EFCAB6: variants seen among roughly 807,000 people sequenced by gnomAD.
EFCAB6 encodes the protein EF-hand calcium-binding domain-containing protein 6.
In EFCAB6, 156 loss-of-function variants were observed where a neutral mutation model predicts 169.8. That is an observed-to-expected ratio of 0.92 (90% CI 0.81 to 1.05). The LOEUF (loss-of-function observed/expected upper bound fraction) is 1.05. Among genes scored for constraint, EFCAB6 ranks in the 50% least tolerant of loss-of-function variants. EFCAB6 has a pLI of 0.00. For missense variants in EFCAB6, 1,800 were observed against 1,829.1 expected (o/e 0.98, Z 0.29); for synonymous variants, 698 against 676.4 (o/e 1.03, Z -0.50).
At chr22:43,623,104 G>T (rs538740913) in intron 20 of EFCAB6, among the ~76,000 whole-genome samples, 2 of 152,182 alleles carry the variant, frequency 1.3e-5, no homozygotes, top group Non-Finnish European at 2.9e-5. Flanking sequence ...GACACTGATC[G>T]TATCAGCTGA....
At chr22:43,606,734 T>C (rs1361871977) in intron 22 of EFCAB6, among the ~76,000 whole-genome samples, 1 of 152,234 alleles carries the variant, frequency 6.6e-6, no homozygotes, top group East Asian at 1.9e-4. Flanking sequence ...CTGCAAGCAG[T>C]TGTCAACACA....
rs761410856 is a variant in EFCAB6 at position 43,537,532 on chromosome 22, G to T, written c.3893C>A (p.Thr1298Asn). 2 of 1,613,912 alleles carry T rather than the reference G, an allele frequency of 1.2e-6. No individual in the cohort carries two copies. The highest frequency in any genetic ancestry group is 1.7e-6 in the Non-Finnish European group (2 of 1,179,868). ...SQSHPCTPASTTVIPGTPPLQ... is the reference protein window; with the variant it reads ...SQSHPCTPASNTVIPGTPPLQ... ...GGGTGGAGTGCCCGGGATCACGGTGGTGCTCGCTGGAGTCTAGCAGGGAAG... is the reference window on the plus strand; with the variant it reads ...GGGTGGAGTGCCCGGGATCACGGTGTTGCTCGCTGGAGTCTAGCAGGGAAG... Residue 1298 changes from threonine to asparagine, a missense_variant, in exon 29 of 32, where the codon ACC becomes AAC. Transcript: ENST00000262726. This position sits in a 1 kb window ranked among gnomAD's most constrained non-coding sequence, Gnocchi z 4.3.
intron 3 of EFCAB6, among the ~76,000 whole-genome samples, chr22:43,781,587 C>T (rs1047995707): frequency 2.6e-5 from 4 of 152,166 alleles, no homozygotes; most frequent in South Asian, 4.1e-4. Flanking sequence ...CCTCGACCTC[C>T]GGAAGTGCTT....
intron 22 of EFCAB6, among the ~76,000 whole-genome samples, chr22:43,606,540 A>G (rs1224594941): frequency 6.6e-6 from 1 of 152,214 alleles, no homozygotes; most frequent in African/African-American, 2.4e-5. Context: ...GACAGGGAAC[A>G]TCATCTACTG....
At chr22:43,675,789 TTATAA>T (rs147990294) in intron 13 of EFCAB6, among the ~76,000 whole-genome samples, 3,418 of 149,022 alleles carry the variant, frequency 0.023, 131 homozygotes, top group African/African-American at 0.08. Flanking sequence ...TAATTATATA[TTATAA>T]TATAATATAA....
chr22:43,647,610 T>TG (rs2056243198), intron 17 of EFCAB6, among the ~76,000 whole-genome samples: 1 of 152,326 alleles, frequency 6.6e-6, no homozygotes, highest in African/African-American at 2.4e-5. Flanking sequence ...TTAATGGAGC[T>TG]GGGGTCTTTT....
chr22:43,576,198 G>A (rs1422227736), intron 26 of EFCAB6, 99 bp downstream of exon 26: 1 of 1,029,080 alleles, frequency 9.7e-7, no homozygotes, highest in Non-Finnish European at 1.3e-6. Context: ...TGAGGTGATT[G>A]CCAATTTATC....
rs368284268 is a variant in EFCAB6, at chr22:43,765,431, A to T, written c.352-38T>A. On this transcript the variant is annotated intron_variant, in intron 4 of 31. Transcript: ENST00000262726. ...GAGAAGAATGACAACATGTTAGAGA[A>T]TTAAGATCCAAGCAATAGACGGTAA... 172 of 1,515,952 alleles carry T rather than the reference A, an allele frequency of 1.1e-4. No individual in the cohort carries two copies. In the African/African-American group the frequency reaches 2.0e-3, roughly 17 times the overall value. The allele number at this position is 1,515,952 out of a possible 1,614,324, so 93.9% of individuals were successfully genotyped here. A position where few individuals can be genotyped will look rare whatever the true frequency, so the allele number is the denominator to read the frequency against.
intron 20 of EFCAB6, among the ~76,000 whole-genome samples, chr22:43,623,726 T>C (rs751669313): frequency 7.6e-6 from 1 of 131,646 alleles, no homozygotes; most frequent in Non-Finnish European, 1.6e-5. Context: ...AAACCCCGTC[T>C]CTACTAAAAA....
intron 20 of EFCAB6, among the ~76,000 whole-genome samples, chr22:43,624,758 T>G (rs1202025351): frequency 6.6e-6 from 1 of 152,220 alleles, no homozygotes; most frequent in Non-Finnish European, 1.5e-5. Flanking sequence ...TATTCACTGT[T>G]GTACCGTCTA....
rs984891138 is a variant in EFCAB6, at chr22:43,722,845, C to T, written c.758-5873G>A. 5.9e-5 allele frequency among the ~76,000 whole-genome samples: 9 copies of T among 151,950 alleles called. No individual in the cohort carries two copies. The South Asian group carries it at 6.2e-4, about 11-fold the overall frequency. On this transcript the variant is annotated intron_variant, in intron 8 of 31. Coordinates refer to ENST00000262726, the MANE Select transcript of EFCAB6 (RefSeq NM_022785.4). ...TGGACTGGATAAAGAAAATGTGGTA[C>T]GGATATACCACAGAATACCACACAG...
intron 13 of EFCAB6, among the ~76,000 whole-genome samples, chr22:43,675,214 C>T (rs137771): frequency 0.2 from 29,077 of 142,558 alleles, 3,150 homozygotes; most frequent in Middle Eastern, 0.23. Flanking sequence ...TAATATATAT[C>T]ATATAACTAT....
At chr22:43,678,210 A>G (rs1220063155) in intron 12 of EFCAB6, 47 bp from the exon 13 acceptor site, 1 of 1,539,184 alleles carries the variant, frequency 6.5e-7, no homozygotes, top group Non-Finnish European at 8.8e-7. Flanking sequence ...AAAAAAAAAA[A>G]AGGAAGAAAA....
At chr22:43,641,808 C>T (rs1262915064) in intron 17 of EFCAB6, among the ~76,000 whole-genome samples, 1 of 152,104 alleles carries the variant, frequency 6.6e-6, no homozygotes, top group Non-Finnish European at 1.5e-5. Context: ...TCAGTCTTCT[C>T]TTAATACTAC....
At chr22:43,737,845 AT>A (rs967001700) in intron 6 of EFCAB6, among the ~76,000 whole-genome samples, 3 of 151,586 alleles carry the variant, frequency 2.0e-5, no homozygotes, top group African/African-American at 7.3e-5. Flanking sequence ...ACACACATAT[AT>A]TCTCACACAT....
chr22:43,773,134 A>T (rs1373847130), intron 3 of EFCAB6, 31 bp from the exon 4 acceptor site: 2 of 1,608,536 alleles, frequency 1.2e-6, no homozygotes, highest in Non-Finnish European at 1.7e-6. Context: ...TTTATTAAAC[A>T]TGTTTAAAGC....
intron 8 of EFCAB6, among the ~76,000 whole-genome samples, chr22:43,730,736 C>A (rs936930120): frequency 2.4e-4 from 36 of 152,146 alleles, no homozygotes; most frequent in African/African-American, 8.7e-4. Context: ...CTGGCACCTG[C>A]CTCACGTGGT....
chr22:43,788,891 T>C (rs908008196), intron 2 of EFCAB6, among the ~76,000 whole-genome samples: 23 of 152,174 alleles, frequency 1.5e-4, no homozygotes, highest in African/African-American at 5.6e-4. Context: ...AGTGGACTAT[T>C]ATTCAGCCCT....
At chr22:43,623,994 G>C (rs1315510350) in intron 20 of EFCAB6, among the ~76,000 whole-genome samples, 2 of 152,080 alleles carry the variant, frequency 1.3e-5, no homozygotes, top group Non-Finnish European at 2.9e-5. Flanking sequence ...GAACAGGGCA[G>C]GCTGTCCAGG....
Sources: gnomAD v4.1 joint callset for allele counts (sites outside exome capture counted in the v4.1 genomes callset) on GRCh38, gnomAD v4.1.1 for gene constraint, Gnocchi (gnomAD v3.1) non-coding constraint, MANE v1.5 for transcripts, NCBI Gene and HGNC (gene_info 2026-07-23, HGNC 2026-07-21) for gene names.